The following PAK1 variants were observed in gnomAD, a reference collection of about 807,000 sequenced individuals.
PAK1 encodes p21 (RAC1) activated kinase 1.
A neutral mutation model predicts 67.4 loss-of-function variants in PAK1; 29 were observed. That is an observed-to-expected ratio of 0.43 (90% CI 0.32 to 0.59). The LOEUF (loss-of-function observed/expected upper bound fraction) is 0.59. PAK1 is among the 20% of genes least tolerant of loss of function. The pLI, the probability that PAK1 is intolerant of heterozygous loss-of-function variation, is 0.07. For missense variants in PAK1, 337 were observed against 670.7 expected, an observed-to-expected ratio of 0.50 and a Z score of 5.50; for synonymous variants, 223 against 237.4, an observed-to-expected ratio of 0.94 and a Z score of 0.56.
At chr11:77,457,427 T>G (rs1266815510) in intron 1 of PAK1, among the ~76,000 whole-genome samples, 1 of 152,210 alleles carries the variant, frequency 6.6e-6, no homozygotes, top group Non-Finnish European at 1.5e-5. Context: ...AAAAGGTGCT[T>G]TGAAGGCTGC....
At chr11:77,399,585 C>T (rs1447402406) in intron 1 of PAK1, among the ~76,000 whole-genome samples, 3 of 152,018 alleles carry the variant, frequency 2.0e-5, no homozygotes, top group Admixed American at 6.5e-5. Context: ...ATTGGCCGGG[C>T]GCGGTGGCTC....
the PAK1 span, among the ~76,000 whole-genome samples, chr11:77,490,185 C>T: frequency 7.3e-5 from 11 of 151,512 alleles, no homozygotes; most frequent in African/African-American, 2.7e-4. Context: ...GCAACCGCCC[C>T]ATCTGAGAAA....
the PAK1 span, among the ~76,000 whole-genome samples, chr11:77,485,770 T>G: frequency 6.6e-6 from 1 of 152,196 alleles, no homozygotes; most frequent in South Asian, 2.1e-4. Flanking sequence ...CCACCATGCC[T>G]GGCCTAAACT....
intron 1 of PAK1, among the ~76,000 whole-genome samples, chr11:77,421,698 G>C (rs1955271485): frequency 6.6e-6 from 1 of 152,232 alleles, no homozygotes; most frequent in Admixed American, 6.5e-5. Flanking sequence ...GCTAAGAAAG[G>C]AATGTGGATG....
chr11:77,350,650 A>G (rs1434900577), intron 8 of PAK1, among the ~76,000 whole-genome samples: 1 of 152,202 alleles, frequency 6.6e-6, no homozygotes, highest in Non-Finnish European at 1.5e-5. Flanking sequence ...CCCTGAGATT[A>G]TAATTCCAGG....
At chr11:77,410,424 A>G (rs2138001768) in intron 1 of PAK1, among the ~76,000 whole-genome samples, 1 of 152,336 alleles carries the variant, frequency 6.6e-6, no homozygotes, top group Non-Finnish European at 1.5e-5. Flanking sequence ...GTCCTGGGGA[A>G]GATAGAATTT....
At position 77,323,146 on chromosome 11, in the gene PAK1, T is replaced by G; in HGVS notation, c.*128A>C. 6.5e-7 allele frequency: 1 copy of G among 1,542,046 alleles called. No homozygotes were observed. The highest frequency in any genetic ancestry group is 8.8e-7 in the Non-Finnish European group (1 of 1,139,310). On this transcript the variant is annotated 3_prime_UTR_variant, in exon 15 of 15. Coordinates refer to ENST00000356341, the MANE Select transcript of PAK1 (RefSeq NM_002576.5). ...ACACGGTTTCCAAGGATCAAAGTCT[T>G]GAGGAGTGCTAGATCAGGAAATGGG...
the PAK1 span, among the ~76,000 whole-genome samples, chr11:77,504,770 T>C: frequency 6.6e-6 from 1 of 152,226 alleles, no homozygotes; most frequent in African/African-American, 2.4e-5. Context: ...TGTTCAGTCA[T>C]TCATTCATTG....
At chr11:77,459,994 C>T (rs1195776997) in intron 1 of PAK1, among the ~76,000 whole-genome samples, 2 of 151,778 alleles carry the variant, frequency 1.3e-5, no homozygotes, top group Non-Finnish European at 2.9e-5. Context: ...CCGCGCCCGG[C>T]GTGGGGCTCT....
intron 1 of PAK1, among the ~76,000 whole-genome samples, chr11:77,445,233 T>G (rs1033766652): frequency 1.3e-5 from 2 of 152,108 alleles, no homozygotes; most frequent in Admixed American, 1.3e-4. Context: ...GAAACTAGGA[T>G]AGAGGCCAGG....
chr11:77,340,969 C>G (rs1943508315), intron 10 of PAK1, among the ~76,000 whole-genome samples: 1 of 152,138 alleles, frequency 6.6e-6, no homozygotes, highest in South Asian at 2.1e-4. Context: ...TGGAGAAAAC[C>G]AAGTATACAT....
chr11:77,425,403 T>C (rs577885041), intron 1 of PAK1, among the ~76,000 whole-genome samples: 8 of 152,186 alleles, frequency 5.3e-5, no homozygotes, highest in Non-Finnish European at 1.0e-4. Context: ...TCTGTAAGAA[T>C]TGACAGTTGT....
intron 5 of PAK1, among the ~76,000 whole-genome samples, chr11:77,369,455 T>G (rs935590247): frequency 2.8e-5 from 4 of 141,940 alleles, no homozygotes; most frequent in African/African-American, 5.2e-5. Context: ...TTTTTTTTTT[T>G]TTTTTTTTTT....
chr11:77,349,488 A>C, intron 8 of PAK1: 3 of 565,884 alleles, frequency 5.3e-6, no homozygotes, highest in Non-Finnish European at 9.6e-6. Context: ...TGGCCAGGAG[A>C]CCTGAATTCC....
intron 4 of PAK1, among the ~76,000 whole-genome samples, chr11:77,378,783 T>G (rs2137070470): frequency 6.6e-6 from 1 of 152,248 alleles, no homozygotes; most frequent in East Asian, 1.9e-4. Flanking sequence ...AGACAGGGTT[T>G]TGCCACGTTG....
At chr11:77,484,163 A>G in the PAK1 span, among the ~76,000 whole-genome samples, 3 of 151,876 alleles carry the variant, frequency 2.0e-5, no homozygotes, top group East Asian at 1.9e-4. Context: ...CATAAGTCCT[A>G]TAACATTAGT....
intron 1 of PAK1, among the ~76,000 whole-genome samples, chr11:77,440,457 T>C (rs765325453): frequency 5.9e-5 from 9 of 152,170 alleles, no homozygotes; most frequent in Non-Finnish European, 1.3e-4. Flanking sequence ...GTACCATACT[T>C]AACATGCCTA....
chr11:77,337,496 A>C, intron 11 of PAK1, 73 bp from the exon 12 acceptor site: 1 of 712,200 alleles, frequency 1.4e-6, no homozygotes, highest in Non-Finnish European at 2.4e-6. Flanking sequence ...TAGAAAATCC[A>C]CTAATTCAAC....
At chr11:77,474,373 AG>A (rs1279432505), upstream of PAK1, 1 of 152,078 alleles carries the variant, frequency 6.6e-6, no homozygotes, top group African/African-American at 2.4e-5. Flanking sequence ...GCGTGACGCC[AG>A]AGGCTGGGGA....
Sources: allele counts gnomAD v4.1 joint callset (sites outside exome capture counted in the v4.1 genomes callset), GRCh38; gene constraint gnomAD v4.1.1; transcripts MANE v1.5; gene names NCBI Gene and HGNC (gene_info 2026-07-23, HGNC 2026-07-21).